NALF1: variants seen among roughly 807,000 people sequenced by gnomAD.
NALF1 encodes family with sequence similarity 155 member A.
A neutral mutation model predicts 48.4 loss-of-function variants in NALF1; 3 were observed. The observed-to-expected ratio is 0.06, with a 90% confidence interval of 0.03 to 0.16. The LOEUF is 0.16. Ranked by LOEUF, NALF1 falls within the 10% of genes least tolerant of loss-of-function variation. The pLI is 1.00. For missense variants in NALF1, 526 were observed against 571.5 expected, an observed-to-expected ratio of 0.92 and a Z score of 0.81; for synonymous variants, 262 against 245.7, an observed-to-expected ratio of 1.07 and a Z score of -0.62.
chr13:107,566,577 C>T (rs1031878201), intron 1 of NALF1, among the ~76,000 whole-genome samples: 1 of 152,204 alleles, frequency 6.6e-6, no homozygotes, highest in East Asian at 1.9e-4. Context: ...CAGAGCCTCA[C>T]CAACCTCACG....
chr13:107,491,367 A>G (rs1875099827), intron 1 of NALF1, among the ~76,000 whole-genome samples: 1 of 152,228 alleles, frequency 6.6e-6, no homozygotes, highest in East Asian at 1.9e-4. Context: ...AAAGTGAATG[A>G]TATCTGTGGA....
chr13:107,593,409 A>G (rs1878652611), intron 1 of NALF1, among the ~76,000 whole-genome samples: 1 of 151,948 alleles, frequency 6.6e-6, no homozygotes, highest in African/African-American at 2.4e-5. Context: ...AAGAGTATGC[A>G]TTGACAAATG....
chr13:107,831,532 GA>G lies in NALF1; in HGVS notation c.915+34149del, dbSNP rs936964775. On this transcript the variant is annotated intron_variant, in intron 1 of 2. Coordinates refer to ENST00000375915, the MANE Select transcript of NALF1 (RefSeq NM_001080396.3). ...AAATAAACTATTTTTCTTAAAAAAA[GA>G]AAAAAAAAGACATGTTCTAAAATTA... 1.9e-3 allele frequency among the ~76,000 whole-genome samples: 282 copies of G among 150,090 alleles called. 13 individuals are homozygous for G. In the East Asian group the frequency reaches 0.024, roughly 13 times the overall value.
intron 1 of NALF1, among the ~76,000 whole-genome samples, chr13:107,451,297 C>T (rs1360937582): frequency 6.6e-6 from 1 of 152,196 alleles, no homozygotes; most frequent in African/African-American, 2.4e-5. Flanking sequence ...GATGATCTAG[C>T]ATGGCTGTGA....
At chr13:107,629,438 T>C (rs1442566131) in intron 1 of NALF1, among the ~76,000 whole-genome samples, 3 of 152,204 alleles carry the variant, frequency 2.0e-5, no homozygotes, top group African/African-American at 7.2e-5. Flanking sequence ...TTTGGCAATT[T>C]TCTAATTCCA....
intron 1 of NALF1, among the ~76,000 whole-genome samples, chr13:107,714,961 T>A (rs1875707738): frequency 6.6e-6 from 1 of 152,032 alleles, no homozygotes. Context: ...AAATTGAAAG[T>A]GTTTAGAAGG....
At chr13:107,493,839 A>G (rs938767125) in intron 1 of NALF1, among the ~76,000 whole-genome samples, 1 of 152,212 alleles carries the variant, frequency 6.6e-6, no homozygotes, top group African/African-American at 2.4e-5. Context: ...GTAATGAACT[A>G]TAATTGCACC....
At chr13:107,828,141 A>T (rs1879575328) in intron 1 of NALF1, among the ~76,000 whole-genome samples, 1 of 152,166 alleles carries the variant, frequency 6.6e-6, no homozygotes, top group Admixed American at 6.5e-5. Context: ...TTTCAGCTTA[A>T]AGTGCCGGTA....
intron 1 of NALF1, among the ~76,000 whole-genome samples, chr13:107,853,423 T>C (rs1259588972): frequency 6.6e-6 from 1 of 152,236 alleles, no homozygotes; most frequent in Non-Finnish European, 1.5e-5. Context: ...TTATGGGTCT[T>C]AGTTTCTTTT....
At chr13:107,707,371 A>G (rs1875427014) in intron 1 of NALF1, among the ~76,000 whole-genome samples, 1 of 152,212 alleles carries the variant, frequency 6.6e-6, no homozygotes, top group Admixed American at 6.5e-5. Flanking sequence ...TTTATGTGCA[A>G]TAGGACTTTT....
At chr13:107,702,053 A>G (rs1844505402) in intron 1 of NALF1, among the ~76,000 whole-genome samples, 1 of 152,202 alleles carries the variant, frequency 6.6e-6, no homozygotes, top group Non-Finnish European at 1.5e-5. Context: ...GTATCTCTGA[A>G]AGCAAATAAT....
intron 1 of NALF1, among the ~76,000 whole-genome samples, chr13:107,450,751 T>G (rs1428603196): frequency 6.6e-6 from 1 of 152,194 alleles, no homozygotes; most frequent in Admixed American, 6.5e-5. Context: ...GAGTCCTCAT[T>G]ATTGCCAACC....
intron 1 of NALF1, among the ~76,000 whole-genome samples, chr13:107,439,449 T>C (rs1217546364): frequency 6.6e-6 from 1 of 152,216 alleles, no homozygotes; most frequent in Non-Finnish European, 1.5e-5. Flanking sequence ...GTTGTGGATA[T>C]TGATATGTTG....
intron 1 of NALF1, among the ~76,000 whole-genome samples, chr13:107,530,468 G>A (rs1876590167): frequency 6.6e-6 from 1 of 152,080 alleles, no homozygotes; most frequent in Non-Finnish European, 1.5e-5. Context: ...CATATAGACT[G>A]AAGCAAAATC....
chr13:107,848,899 C>A (rs994904882), intron 1 of NALF1, among the ~76,000 whole-genome samples: 1 of 152,148 alleles, frequency 6.6e-6, no homozygotes, highest in Non-Finnish European at 1.5e-5. Context: ...GTCAAATACA[C>A]GAGGCCACAT....
chr13:107,560,489 C>A (rs1246351318), intron 1 of NALF1, among the ~76,000 whole-genome samples: 1 of 151,892 alleles, frequency 6.6e-6, no homozygotes, highest in Non-Finnish European at 1.5e-5. Context: ...TTTATGGTTT[C>A]TTTCAGTACT....
intron 1 of NALF1, among the ~76,000 whole-genome samples, chr13:107,346,712 ATACTG>A (rs1308444171): frequency 1.3e-5 from 2 of 152,232 alleles, no homozygotes; most frequent in African/African-American, 4.8e-5. Context: ...GCATATAATA[ATACTG>A]TACTGTACTA....
intron 1 of NALF1, 139 bp downstream of exon 1, chr13:107,865,543 G>T: frequency 8.5e-7 from 1 of 1,173,910 alleles, no homozygotes; most frequent in Admixed American, 2.3e-5. Context: ...CAAACAGCAA[G>T]CCAAGCTCTT....
chr13:107,332,188 C>A (rs568321176), intron 1 of NALF1, among the ~76,000 whole-genome samples: 1 of 152,264 alleles, frequency 6.6e-6, no homozygotes, highest in South Asian at 2.1e-4. Context: ...ACCCCACTTT[C>A]AAAAACATTC....
Sources: gnomAD v4.1 joint callset for allele counts (sites outside exome capture counted in the v4.1 genomes callset) on GRCh38, gnomAD v4.1.1 for gene constraint, MANE v1.5 for transcripts, NCBI Gene and HGNC (gene_info 2026-07-23, HGNC 2026-07-21) for gene names.